The following ARHGEF33 variants were observed in gnomAD, a reference collection of about 807,000 sequenced individuals.
The protein encoded by ARHGEF33 is Rho guanine nucleotide exchange factor 33.
A neutral mutation model predicts 101.9 loss-of-function variants in ARHGEF33; 72 were observed. The observed-to-expected ratio is 0.71, with a 90% CI of 0.58 to 0.86. ARHGEF33 has a LOEUF of 0.86. Ranked by LOEUF, ARHGEF33 falls within the 40% of genes least tolerant of loss-of-function variation. ARHGEF33 has a pLI of 0.00. For missense variants in ARHGEF33, 1,169 were observed against 1,111.3 expected (o/e 1.05, Z -0.74); for synonymous variants, 499 against 442.5 (o/e 1.13, Z -1.60).
chr2:38,894,611 T>G (rs966511224), intron 1 of ARHGEF33, among the ~76,000 whole-genome samples: 12 of 152,268 alleles, frequency 7.9e-5, no homozygotes, highest in African/African-American at 2.6e-4. Context: ...GTATATCACC[T>G]CTTGGTCCAA....
In ARHGEF33 at chr2:38,919,458, C is replaced by G. The variant is rs750138898; in HGVS notation, c.11C>G (p.Thr4Ser). 117 of 1,551,726 alleles carry G rather than the reference C, an allele frequency of 7.5e-5. No individual in the cohort carries two copies. Among genetic ancestry groups the G allele is most frequent in the Admixed American group, 1.2e-4 (6 of 50,982 alleles). Residue 4 changes from threonine (T) to serine (S), a missense_variant, in exon 3 of 18, where the codon ACC becomes AGC. By Grantham distance (58) the Thr-to-Ser change is moderately conservative (BLOSUM62 1). Coordinates refer to ENST00000409978, the MANE Select transcript of ARHGEF33 (RefSeq NM_001145451.5). MEK[T>S]KTKQGENEHM... is the part of the protein sequence containing the mutation. ...GAAGTAACCGGCACTATGGAAAAAA[C>G]CAAAACAAAGCAAGGTCAGATTTTT...
intron 13 of ARHGEF33, among the ~76,000 whole-genome samples, chr2:38,955,650 C>G (rs955501578): frequency 3.3e-5 from 5 of 151,456 alleles, no homozygotes; most frequent in African/African-American, 9.7e-5. Context: ...CAGGCACTTG[C>G]CACCATGCCT....
At chr2:38,907,431 A>T (rs528011663) in intron 2 of ARHGEF33, among the ~76,000 whole-genome samples, 1 of 152,166 alleles carries the variant, frequency 6.6e-6, no homozygotes, top group African/African-American at 2.4e-5. Context: ...CATCTGAACT[A>T]TGAAAAAAAT....
intron 2 of ARHGEF33, among the ~76,000 whole-genome samples, chr2:38,906,805 C>CAAA (rs769713983): frequency 2.0e-5 from 1 of 50,402 alleles, no homozygotes; most frequent in Non-Finnish European, 4.2e-5. Flanking sequence ...CCTGTATCTA[C>CAAA]AAAAAAAAAA....
intron 3 of ARHGEF33, 36 bp from the exon 4 acceptor site, chr2:38,921,335 TGAG>T: frequency 7.9e-7 from 1 of 1,267,452 alleles, no homozygotes; most frequent in East Asian, 2.5e-5. Context: ...AGGGACAGAA[TGAG>T]TAGTGTTGAT....
At chr2:38,904,277 G>T (rs1375200706) in intron 2 of ARHGEF33, among the ~76,000 whole-genome samples, 1 of 152,178 alleles carries the variant, frequency 6.6e-6, no homozygotes, top group Non-Finnish European at 1.5e-5. Flanking sequence ...CAGGGAGAAG[G>T]AGAGACAAAG....
At chr2:38,961,823 A>G (rs1023428232) in intron 16 of ARHGEF33, among the ~76,000 whole-genome samples, 3 of 151,880 alleles carry the variant, frequency 2.0e-5, no homozygotes, top group African/African-American at 7.3e-5. Flanking sequence ...GGCCTCCTAG[A>G]TAAGTTGAAT....
intron 2 of ARHGEF33, among the ~76,000 whole-genome samples, chr2:38,913,890 A>G (rs1377284863): frequency 2.6e-5 from 4 of 152,200 alleles, no homozygotes; most frequent in Non-Finnish European, 4.4e-5. Flanking sequence ...TATTATTTAG[A>G]AGCTGTCACT....
At chr2:38,930,525 T>A (rs1666974366) in intron 6 of ARHGEF33, among the ~76,000 whole-genome samples, 1 of 151,994 alleles carries the variant, frequency 6.6e-6, no homozygotes, top group African/African-American at 2.4e-5. Flanking sequence ...TAAAAAAAAA[T>A]TATAGAAATG....
intron 10 of ARHGEF33, among the ~76,000 whole-genome samples, chr2:38,949,927 C>T (rs1194345230): frequency 6.6e-6 from 1 of 152,186 alleles, no homozygotes; most frequent in Non-Finnish European, 1.5e-5. Flanking sequence ...TTCATGAGAA[C>T]TCACTCACCA....
At chr2:38,949,038 G>A (rs1667523526) in intron 10 of ARHGEF33, among the ~76,000 whole-genome samples, 1 of 152,132 alleles carries the variant, frequency 6.6e-6, no homozygotes, top group African/African-American at 2.4e-5. Context: ...GGGAGTGGAA[G>A]TCTTCCTCAT....
At chr2:38,939,529 G>C (rs529388587) in intron 9 of ARHGEF33, among the ~76,000 whole-genome samples, 4 of 152,200 alleles carry the variant, frequency 2.6e-5, no homozygotes, top group Admixed American at 6.5e-5. Flanking sequence ...CATTCTCAGG[G>C]ATGTGTACTG....
chr2:38,933,706 G>A (rs1213034469), intron 7 of ARHGEF33, among the ~76,000 whole-genome samples: 1 of 152,104 alleles, frequency 6.6e-6, no homozygotes, highest in South Asian at 2.1e-4. Flanking sequence ...TCTTAGAAAT[G>A]GTATTCCATT....
At chr2:38,924,570 T>C (rs1666833272) in intron 4 of ARHGEF33, among the ~76,000 whole-genome samples, 1 of 152,232 alleles carries the variant, frequency 6.6e-6, no homozygotes, top group Non-Finnish European at 1.5e-5. Context: ...AGCTCACTTG[T>C]AGCCTTAGGA....
chr2:38,964,058 C>T (rs904701452), intron 16 of ARHGEF33, among the ~76,000 whole-genome samples: 7 of 152,128 alleles, frequency 4.6e-5, no homozygotes, highest in Non-Finnish European at 8.8e-5. Context: ...TGCAACTAGA[C>T]GGTCCCATCT....
chr2:38,935,632 A>G (rs1016042572), intron 7 of ARHGEF33, 143 bp from the exon 8 acceptor site: 8 of 601,628 alleles, frequency 1.3e-5, no homozygotes, highest in African/African-American at 1.2e-4. Flanking sequence ...TTGCCACACT[A>G]TACTGTAATT....
At chr2:38,959,780 G>A (rs1319776434) in intron 15 of ARHGEF33, 61 bp from the exon 16 acceptor site, 74 of 1,445,464 alleles carry the variant, frequency 5.1e-5, no homozygotes, top group Non-Finnish European at 6.7e-5. Flanking sequence ...GCCGGCAGGC[G>A]AGAGGCCTGC....
intron 13 of ARHGEF33, 120 bp from the exon 14 acceptor site, chr2:38,956,779 T>C: frequency 8.0e-7 from 1 of 1,242,716 alleles, no homozygotes; most frequent in Non-Finnish European, 1.1e-6. Flanking sequence ...ATGTGTATTG[T>C]TCATTGTTTT....
At chr2:38,946,322 G>A (rs563093675) in intron 10 of ARHGEF33, among the ~76,000 whole-genome samples, 3 of 151,208 alleles carry the variant, frequency 2.0e-5, no homozygotes, top group South Asian at 4.2e-4. Context: ...CAAATCCTAC[G>A]AGATTGAAAA....
Sources: allele counts gnomAD v4.1 joint callset (sites outside exome capture counted in the v4.1 genomes callset), GRCh38; gene constraint gnomAD v4.1.1; transcripts MANE v1.5; gene names NCBI Gene and HGNC (gene_info 2026-07-23, HGNC 2026-07-21).